Variants in ALDH3A2 observed in about 807,000 individuals in gnomAD.
ALDH3A2 encodes aldehyde dehydrogenase 3 family member A2.
Under a neutral mutation model 51.3 loss-of-function variants are expected in ALDH3A2, and 36 were observed. The observed-to-expected ratio is 0.70, with a 90% CI of 0.54 to 0.93. The LOEUF is 0.93. Among genes scored for constraint, ALDH3A2 ranks in the 40% least tolerant of loss-of-function variants. The pLI is 0.00. For synonymous variants in ALDH3A2, 199 were observed against 219.8 expected, an observed-to-expected ratio of 0.91 and a Z score of 0.84; for missense variants, 552 against 603.1, an observed-to-expected ratio of 0.92 and a Z score of 0.89.
intron 3 of ALDH3A2, 71 bp downstream of exon 3, chr17:19,652,703 T>C: frequency 7.8e-7 from 1 of 1,275,208 alleles, no homozygotes; most frequent in Non-Finnish European, 1.1e-6. Context: ...TTTCTTGCTA[T>C]TGCATGTTAT....
At chr17:19,672,039 A>AAG in intron 9 of ALDH3A2, 83 bp downstream of exon 9, 5 of 1,280,200 alleles carry the variant, frequency 3.9e-6, no homozygotes, top group Non-Finnish European at 5.7e-6. Context: ...AGGACTCTAC[A>AAG]TTAACTTGTA....
intron 8 of ALDH3A2, among the ~76,000 whole-genome samples, chr17:19,665,410 G>A (rs893060340): frequency 8.3e-5 from 11 of 133,258 alleles, no homozygotes; most frequent in African/African-American, 3.5e-4. Context: ...TGTGTGTGTG[G>A]TGTGTGTGTT....
Position 19,648,824 on chromosome 17 carries a change from T to A in ALDH3A2, c.-148T>A, listed in dbSNP as rs1281223625. ...AGGTCGCGGCTGAGCGAGCGAGCCC[T>A]GGGCGAGTGAATTGTGGCTGTGGGT... On this transcript the variant is annotated 5_prime_UTR_variant, in exon 1 of 10. Coordinates refer to ENST00000176643, the MANE Select transcript of ALDH3A2 (RefSeq NM_000382.3). 8.8e-7 allele frequency: 1 copy of A among 1,130,482 alleles called. No homozygotes were observed. Among genetic ancestry groups the A allele is most frequent in the African/African-American group, 1.5e-5 (1 of 65,018 alleles). 70.0% of individuals were successfully genotyped at this position (1,130,482 alleles called of 1,614,324 possible).
At chr17:19,665,153 T>C (rs1474653176) in intron 8 of ALDH3A2, 106 bp downstream of exon 8, 1 of 1,000,032 alleles carries the variant, frequency 1.0e-6, no homozygotes, top group Non-Finnish European at 1.5e-6. Context: ...GTACCCTGAT[T>C]GTCCTCTCCT....
chr17:19,656,375 ATTG>A lies in ALDH3A2; in HGVS notation c.484_486del (p.Val162del). The A allele has an allele frequency of 6.2e-7, 1 of 1,613,630 alleles. No individual in the cohort carries two copies. The highest frequency in any genetic ancestry group is 8.5e-7 in the Non-Finnish European group (1 of 1,179,602). ...TTTCTCTTTCTTTGAGGATCTCTAT[ATTG>A]TTATTAATGGTGGTGTTGAGGAAAC... On this transcript the variant is annotated inframe_deletion, in exon 4 of 10. Coordinates refer to ENST00000176643, the MANE Select transcript of ALDH3A2 (RefSeq NM_000382.3).
At chr17:19,655,198 T>C (rs752435962) in intron 3 of ALDH3A2, 1 of 152,192 alleles carries the variant, frequency 6.6e-6, no homozygotes, top group Non-Finnish European at 1.5e-5. Flanking sequence ...CTTAAAAATA[T>C]CTTACCTGTA....
Position 19,676,242 on chromosome 17 carries a change from G to A in ALDH3A2, c.*670G>A, listed in dbSNP as rs2085186922. The A allele has an allele frequency of 6.6e-6, 1 of 152,364 alleles. No individual in the cohort carries two copies. The highest frequency in any genetic ancestry group is 2.4e-5 in the African/African-American group (1 of 41,432). 9.4% of individuals were successfully genotyped at this position (152,364 alleles called of 1,614,324 possible). A position where few individuals can be genotyped will look rare whatever the true frequency, so the allele number is the denominator to read the frequency against. ...TCTCTTGTGACTAATGTCACTCAAA[G>A]CATCTTGTAAATCCTAGGGCTTCCT... On this transcript the variant is annotated 3_prime_UTR_variant, in exon 10 of 10. Coordinates refer to ENST00000176643, the MANE Select transcript of ALDH3A2 (RefSeq NM_000382.3).
chr17:19,668,508 A>C (rs1468331823), intron 8 of ALDH3A2, among the ~76,000 whole-genome samples: 2 of 152,096 alleles, frequency 1.3e-5, no homozygotes, highest in Non-Finnish European at 2.9e-5. Flanking sequence ...TTAGCCTCCC[A>C]AAGTGCTGGG....
chr17:19,673,206 G>A, intron 9 of ALDH3A2: 1 of 1,614,186 alleles, frequency 6.2e-7, no homozygotes, highest in Non-Finnish European at 8.5e-7. Context: ...GTAGTTCACA[G>A]ACTGCGTTGG....
chr17:19,656,571 G>A lies in ALDH3A2; in HGVS notation c.677G>A (p.Cys226Tyr). 3 of 1,610,258 alleles carry A rather than the reference G, an allele frequency of 1.9e-6. No homozygotes were observed. The highest frequency in any genetic ancestry group is 2.5e-6 in the Non-Finnish European group (3 of 1,177,872). Residue 226 changes from cysteine to tyrosine, a missense_variant, in exon 4 of 10, where the codon TGC becomes TAC. Physicochemically the swap from Cys to Tyr is radical, Grantham distance 194 (BLOSUM62 -2). Coordinates refer to ENST00000176643, the MANE Select transcript of ALDH3A2 (RefSeq NM_000382.3). ...AAAGATTGTGACCTGGACATTGTTT[G>A]CAGGTGAGTCTGGCTCTCTGATTTT... is the stretch of plus-strand genomic sequence containing the variant. Reference protein sequence around the residue: ...IDKDCDLDIVCRRITWGKYMN... With the variant: ...IDKDCDLDIVYRRITWGKYMN...
In ALDH3A2 at chr17:19,663,370, G is replaced by C. The variant is rs143717984; in HGVS notation, c.978G>C (p.Lys326Asn). 2.5e-4 allele frequency: 406 copies of C among 1,614,006 alleles called. No homozygotes were observed. The highest frequency in any genetic ancestry group is 3.3e-4 in the Non-Finnish European group (384 of 1,180,032). ...TTACCGATGTTGATCCTAAAACCAAGGTGATGCAAGAAGAAATTTTTGGAC... is the reference window on the plus strand; with the variant it reads ...TTACCGATGTTGATCCTAAAACCAACGTGATGCAAGAAGAAATTTTTGGAC... ...TVLTDVDPKT[K>N]VMQEEIFGPI... is the part of the protein sequence containing the mutation. Residue 326 changes from lysine (K) to asparagine (N), a missense_variant, in exon 7 of 10, where the codon AAG becomes AAC. Transcript: ENST00000176643.
chr17:19,671,652 T>A, intron 8 of ALDH3A2, 69 bp from the exon 9 acceptor site: 1 of 1,371,188 alleles, frequency 7.3e-7, no homozygotes, highest in Non-Finnish European at 1.0e-6. Context: ...GCTTTCCCGG[T>A]CGTTGTTAGA....
rs536754054 is a variant in ALDH3A2 at position 19,650,308 on chromosome 17, G to T, written c.153+1184G>T. Among the ~76,000 whole-genome samples the T allele has an allele frequency of 2.2e-3, 335 of 151,478 alleles. 4 individuals carry two copies. Among genetic ancestry groups the T allele is most frequent in the African/African-American group, 7.3e-3 (301 of 41,258 alleles). On this transcript the variant is annotated intron_variant, in intron 1 of 9. Coordinates refer to ENST00000176643, the MANE Select transcript of ALDH3A2 (RefSeq NM_000382.3). ...CTTTTTTTTTTTTTAAACGGACAGG[G>T]TCTCCCTTTGTTACCCAGGCTGAAG...
intron 3 of ALDH3A2, among the ~76,000 whole-genome samples, chr17:19,655,585 G>A (rs1398504088): frequency 1.3e-5 from 2 of 152,280 alleles, no homozygotes; most frequent in South Asian, 2.1e-4. Flanking sequence ...AAATTAATTC[G>A]CCTTCAAGTG....
chr17:19,654,369 G>A lies in ALDH3A2; in HGVS notation c.471+1737G>A, dbSNP rs1409841810. Among the ~76,000 whole-genome samples the A allele has an allele frequency of 2.0e-5, 3 of 152,250 alleles. No individual in the cohort carries two copies. The highest frequency in any genetic ancestry group is 2.1e-4 in the South Asian group (1 of 4,836). ...TGGGCGCTGTGGAGCAGGGGGCGGC[G>A]CCCATCAGGGAGGCTCGGGCAGCAT... On this transcript the variant is annotated intron_variant, in intron 3 of 9. Coordinates refer to ENST00000176643, the MANE Select transcript of ALDH3A2 (RefSeq NM_000382.3). The surrounding 1 kb of genome is among the most constrained non-coding windows in gnomAD (Gnocchi z 4.5).
At chr17:19,656,637 G>A in intron 4 of ALDH3A2, 63 bp downstream of exon 4, 1 of 1,455,562 alleles carries the variant, frequency 6.9e-7, no homozygotes, top group Non-Finnish European at 9.4e-7. Context: ...TCCTGACAAT[G>A]TTACTCTTTG....
intron 7 of ALDH3A2, among the ~76,000 whole-genome samples, 170 bp downstream of exon 7, chr17:19,663,669 A>C (rs1054563438): frequency 1.3e-5 from 2 of 152,218 alleles, no homozygotes; most frequent in African/African-American, 4.8e-5. Flanking sequence ...TGTCTTGGTT[A>C]ATGAGACTCT....
At chr17:19,656,846 C>A (rs937755793) in intron 4 of ALDH3A2, among the ~76,000 whole-genome samples, 2 of 152,124 alleles carry the variant, frequency 1.3e-5, no homozygotes, top group African/African-American at 4.8e-5. Context: ...CTAGATCTAG[C>A]AAGAAATTTT....
chr17:19,651,807 T>C, intron 2 of ALDH3A2, 29 bp downstream of exon 2: 2 of 1,566,590 alleles, frequency 1.3e-6, no homozygotes, highest in Non-Finnish European at 1.8e-6. Flanking sequence ...TCTATATACC[T>C]TTTTAGGGAG....
Sources: gnomAD v4.1 joint callset for allele counts (sites outside exome capture counted in the v4.1 genomes callset) on GRCh38, gnomAD v4.1.1 for gene constraint, Gnocchi (gnomAD v3.1) non-coding constraint, MANE v1.5 for transcripts, NCBI Gene and HGNC (gene_info 2026-07-23, HGNC 2026-07-21) for gene names.